ZC3H13: variants seen among roughly 807,000 people sequenced by gnomAD.
ZC3H13 encodes the protein zinc finger CCCH-type containing 13, also known as zinc finger CCCH domain-containing protein 13.
Under a neutral mutation model 204.1 loss-of-function variants are expected in ZC3H13, and 64 were observed. The observed-to-expected ratio is 0.31, with a 90% CI of 0.26 to 0.39. The LOEUF (loss-of-function observed/expected upper bound fraction) is 0.39. ZC3H13 is among the 10% of genes least tolerant of loss of function. The pLI, the probability that ZC3H13 is intolerant of heterozygous loss-of-function variation, is 1.00. For missense variants in ZC3H13, 1,833 were observed against 2,082.7 expected, an observed-to-expected ratio of 0.88 and a Z score of 2.33; for synonymous variants, 667 against 693.7, an observed-to-expected ratio of 0.96 and a Z score of 0.60.
chr13:46,048,850 G>A (rs2044190848), intron 1 of ZC3H13, among the ~76,000 whole-genome samples: 1 of 152,024 alleles, frequency 6.6e-6, no homozygotes, highest in Admixed American at 6.6e-5. Flanking sequence ...TAAAAATGTG[G>A]CCAAGCGCAG....
rs554596758 is a variant in ZC3H13 at position 45,969,192 on chromosome 13, T to C, written c.3352A>G (p.Thr1118Ala). 1.9e-6 allele frequency: 3 copies of C among 1,613,684 alleles called. No homozygotes were observed. Among genetic ancestry groups the C allele is most frequent in the Admixed American group, 1.7e-5 (1 of 59,950 alleles). The change falls in exon 14 of 19, where the codon ACT (threonine) becomes GCT (alanine). Residue 1118 changes from threonine to alanine, a missense_variant. Around this residue, in one of 5 missense-constraint regions of ZC3H13, gnomAD observed 1,574 missense variants for 1,757.2 expected, o/e 0.90. Coordinates refer to ENST00000679008, the MANE Select transcript of ZC3H13 (RefSeq NM_001330564.2). ...GCAGCAGCAGTAGTGGCAGCAAGAG[T>C]TGCAGGCACAGTTGTAGCAGTGGCA... ...ATATATTVPA[T>A]LAATTAAAAT...
intron 4 of ZC3H13, among the ~76,000 whole-genome samples, chr13:46,037,888 T>A (rs1361088804): frequency 6.6e-6 from 1 of 152,252 alleles, no homozygotes; most frequent in Admixed American, 6.5e-5. Flanking sequence ...TTTCTTTTCA[T>A]ACTAAGTCTC....
At chr13:46,006,771 T>C (rs1480288911) in intron 7 of ZC3H13, among the ~76,000 whole-genome samples, 1 of 133,682 alleles carries the variant, frequency 7.5e-6, no homozygotes, top group Admixed American at 8.0e-5. Flanking sequence ...TTAAAAGCAC[T>C]TGACTCATAG....
intron 12 of ZC3H13, 99 bp downstream of exon 12, chr13:45,975,184 A>T (rs1211270253): frequency 4.0e-6 from 6 of 1,486,582 alleles, no homozygotes; most frequent in African/African-American, 1.4e-5. Flanking sequence ...GAGAAAAAAA[A>T]TTAACAGGAA....
intron 10 of ZC3H13, among the ~76,000 whole-genome samples, chr13:45,983,748 T>G (rs1312324423): frequency 6.6e-6 from 1 of 152,040 alleles, no homozygotes; most frequent in Non-Finnish European, 1.5e-5. Context: ...TATTTAACAC[T>G]GTATTGATAA....
intron 5 of ZC3H13, among the ~76,000 whole-genome samples, chr13:46,018,172 G>T (rs1163869819): frequency 8.5e-6 from 1 of 117,858 alleles, no homozygotes. Flanking sequence ...AGGAGCTCTT[G>T]ATGTGTCAAA....
chr13:46,049,303 T>TAC (rs34258690), intron 1 of ZC3H13, among the ~76,000 whole-genome samples: 116,309 of 151,472 alleles, frequency 0.77, 45,046 homozygotes, highest in African/African-American at 0.86. Flanking sequence ...ACAACAATAA[T>TAC]ACACACACAC....
chr13:45,990,669 C>A (rs2039904976), intron 8 of ZC3H13, among the ~76,000 whole-genome samples: 1 of 152,172 alleles, frequency 6.6e-6, no homozygotes, highest in South Asian at 2.1e-4. Context: ...GGGTCTTAGC[C>A]AAATTTGGAA....
At chr13:45,965,483 T>C (rs1206367669) in intron 15 of ZC3H13, 51 bp from the exon 16 acceptor site, 6 of 1,590,360 alleles carry the variant, frequency 3.8e-6, no homozygotes, top group Non-Finnish European at 5.1e-6. Flanking sequence ...AGGGAGAGGA[T>C]GACTAAGTCA....
chr13:45,971,438 G>A (rs1952575737), intron 12 of ZC3H13, among the ~76,000 whole-genome samples: 1 of 152,164 alleles, frequency 6.6e-6, no homozygotes, highest in Non-Finnish European at 1.5e-5. Context: ...TTTACTAAAT[G>A]GTGGTGGGAA....
intron 5 of ZC3H13, among the ~76,000 whole-genome samples, chr13:46,019,912 T>G (rs2042125036): frequency 6.6e-6 from 1 of 152,134 alleles, no homozygotes. Flanking sequence ...GAGCCATGAT[T>G]GTACCACTGT....
At chr13:45,993,674 C>A (rs1445268716) in intron 8 of ZC3H13, among the ~76,000 whole-genome samples, 1 of 152,136 alleles carries the variant, frequency 6.6e-6, no homozygotes. Context: ...TCTAAATAAA[C>A]CTGTAAGATG....
Position 45,959,666 on chromosome 13 carries a change from A to G in ZC3H13, c.4676-20T>C, listed in dbSNP as rs1236293087. On this transcript the variant is annotated intron_variant, in intron 17 of 18. Transcript: ENST00000679008. ...CTGCATCTTTCAAAAAAAAGTAAAC[A>G]TGCATTAAGTTTTACTAAAATAGAA... The G allele has an allele frequency of 2.0e-6, 3 of 1,507,742 alleles. No individual in the cohort carries two copies. The South Asian group carries it at 3.9e-5, about 20-fold the overall frequency. 93.4% of individuals were successfully genotyped at this position (1,507,742 alleles called of 1,614,324 possible).
Position 46,032,184 on chromosome 13 carries a change from G to T in ZC3H13, c.339+9980C>A, listed in dbSNP as rs562801800. ...GCAAGTCCTGCATATGCTGGGGGAG[G>T]AAGTGTTATGGGAAATCTCTGTATT... is the stretch of plus-strand genomic sequence containing the variant. On this transcript the variant is annotated intron_variant, in intron 4 of 18. Transcript: ENST00000679008. 1.4e-4 allele frequency among the ~76,000 whole-genome samples: 21 copies of T among 152,268 alleles called. No homozygotes were observed. The South Asian group carries it at 2.7e-3, about 20-fold the overall frequency.
At chr13:45,964,424 T>C (rs1951920943) in intron 16 of ZC3H13, among the ~76,000 whole-genome samples, 2 of 152,236 alleles carry the variant, frequency 1.3e-5, no homozygotes, top group Admixed American at 6.5e-5. Context: ...TGTGCACACA[T>C]ACATTTTAAT....
chr13:45,968,067 A>G, intron 14 of ZC3H13, 39 bp from the exon 15 acceptor site: 1 of 1,504,786 alleles, frequency 6.6e-7, no homozygotes, highest in Non-Finnish European at 8.9e-7. Flanking sequence ...TTATTAGCAC[A>G]TGATAAAATA....
intron 4 of ZC3H13, among the ~76,000 whole-genome samples, chr13:46,024,097 T>C (rs1352857945): frequency 6.6e-6 from 1 of 152,190 alleles, no homozygotes; most frequent in Non-Finnish European, 1.5e-5. Flanking sequence ...GTGGGATCAA[T>C]TCCCCAAATC....
At chr13:46,004,055 C>T (rs1435748388) in intron 7 of ZC3H13, among the ~76,000 whole-genome samples, 1 of 151,898 alleles carries the variant, frequency 6.6e-6, no homozygotes, top group Admixed American at 6.6e-5. Context: ...AGTGAAAAGG[C>T]AACTTATAGA....
At position 45,968,018 on chromosome 13, in the gene ZC3H13, A is replaced by G. The variant is rs142251107; in HGVS notation, c.3807T>C (p.Asp1269=). Residue 1269 remains aspartate, a synonymous_variant, in exon 15 of 19, where the codon GAT becomes GAC. Transcript: ENST00000679008. The part of the protein sequence containing the change: ...PSRSTSSDRQ[D]SRSHSSRRSS... ...TTCTTCTTGAACTATGGCTTCTTGA[A>G]TCCTGGCGATCTAAAATAAATATAC... 7.3e-5 allele frequency: 115 copies of G among 1,586,112 alleles called. No homozygotes were observed. Among genetic ancestry groups the G allele is most frequent in the Non-Finnish European group, 9.7e-5 (113 of 1,170,250 alleles).
Sources: gnomAD v4.1 joint callset for allele counts (sites outside exome capture counted in the v4.1 genomes callset) on GRCh38, gnomAD v4.1.1 for gene constraint, gnomAD v4.1.1 regional missense constraint, MANE v1.5 for transcripts, NCBI Gene and HGNC (gene_info 2026-07-23, HGNC 2026-07-21) for gene names.